The following ZCCHC14 variants were observed in gnomAD, a reference collection of about 807,000 sequenced individuals.
ZCCHC14 encodes zinc finger CCHC-type containing 14.
In ZCCHC14, 16 loss-of-function variants were observed where a neutral mutation model predicts 85.0. The observed-to-expected ratio is 0.19, with a 90% CI of 0.13 to 0.29. The LOEUF (loss-of-function observed/expected upper bound fraction) is 0.29. Among genes scored for constraint, ZCCHC14 ranks in the 10% least tolerant of loss-of-function variants. ZCCHC14 has a pLI of 1.00. For missense variants in ZCCHC14, 1,303 were observed against 1,443.5 expected (o/e 0.90, Z 1.58); for synonymous variants, 775 against 630.7 (o/e 1.23, Z -3.43).
chr16:87,412,976 C>T lies in ZCCHC14; in HGVS notation c.1745G>A (p.Arg582His), dbSNP rs779380669. The change falls in exon 12 of 13, where the codon CGT becomes CAT. Residue 582 changes from arginine to histidine, a missense_variant and splice_region_variant. Coordinates refer to ENST00000671377, the MANE Select transcript of ZCCHC14 (RefSeq NM_015144.3). Reference sequence around the variant, plus strand: ...AGAGCTCTCCAAGTGAATCTCCACACCTAGAGAGGGAAACAAGAGTGGTCA... The same window carrying T: ...AGAGCTCTCCAAGTGAATCTCCACATCTAGAGAGGGAAACAAGAGTGGTCA... ...SSDSAEENDR[R>H]VEIHLESSDK... 8 of 1,612,424 alleles carry T rather than the reference C, an allele frequency of 5.0e-6. No individual in the cohort carries two copies. In the South Asian group the frequency reaches 6.6e-5, roughly 13 times the overall value.
chr16:87,429,877 C>G (rs4608344), intron 3 of ZCCHC14, among the ~76,000 whole-genome samples: 42,479 of 152,124 alleles, frequency 0.28, 7,177 homozygotes, highest in African/African-American at 0.45. Context: ...AAAGTGCTGG[C>G]ATTACAGGCG....
chr16:87,461,280 G>T (rs866042607), intron 1 of ZCCHC14, among the ~76,000 whole-genome samples: 2 of 152,218 alleles, frequency 1.3e-5, no homozygotes, highest in African/African-American at 2.4e-5. Context: ...GCGAGAGGAG[G>T]GGGGTAGCAA....
intron 2 of ZCCHC14, among the ~76,000 whole-genome samples, chr16:87,444,414 A>G (rs1334983827): frequency 6.6e-6 from 1 of 152,252 alleles, no homozygotes. Context: ...TCACTGAATA[A>G]AACAGGAAAC....
intron 2 of ZCCHC14, among the ~76,000 whole-genome samples, chr16:87,451,072 G>C (rs959561382): frequency 1.3e-5 from 2 of 149,910 alleles, no homozygotes; most frequent in Non-Finnish European, 1.5e-5. Context: ...CTAATTTTTT[G>C]TATTTTTAGT....
chr16:87,422,499 C>T (rs576650207), intron 4 of ZCCHC14, among the ~76,000 whole-genome samples: 1 of 151,198 alleles, frequency 6.6e-6, no homozygotes, highest in East Asian at 1.9e-4. Context: ...CCGAGGAGGA[C>T]AGATCACCTG....
chr16:87,447,773 G>A (rs4559917), intron 2 of ZCCHC14, among the ~76,000 whole-genome samples: 1 of 152,024 alleles, frequency 6.6e-6, no homozygotes, highest in African/African-American at 2.4e-5. Context: ...CATAAGAAAT[G>A]CCAAATTGTT....
At chr16:87,482,832 G>A (rs1216456021) in intron 1 of ZCCHC14, among the ~76,000 whole-genome samples, 1 of 152,132 alleles carries the variant, frequency 6.6e-6, no homozygotes, top group African/African-American at 2.4e-5. Context: ...AATTCCAGAT[G>A]GATCCGTTTG....
intron 3 of ZCCHC14, among the ~76,000 whole-genome samples, chr16:87,432,651 G>A (rs1356279190): frequency 2.6e-5 from 4 of 152,162 alleles, no homozygotes; most frequent in African/African-American, 4.8e-5. Flanking sequence ...CCTGGTCACC[G>A]TGGGTCACCG....
chr16:87,477,769 G>A (rs1245799582), intron 1 of ZCCHC14, among the ~76,000 whole-genome samples: 1 of 151,526 alleles, frequency 6.6e-6, no homozygotes, highest in Non-Finnish European at 1.5e-5. Flanking sequence ...CGCCCCCACC[G>A]CATCCCCCTG....
At chr16:87,421,099 C>T (rs1909072557) in intron 4 of ZCCHC14, among the ~76,000 whole-genome samples, 1 of 152,252 alleles carries the variant, frequency 6.6e-6, no homozygotes, top group Non-Finnish European at 1.5e-5. Context: ...GATGGACACA[C>T]TGCCACAGGC....
intron 4 of ZCCHC14, among the ~76,000 whole-genome samples, chr16:87,422,208 A>T (rs1001418651): frequency 6.6e-6 from 1 of 152,190 alleles, no homozygotes; most frequent in South Asian, 2.1e-4. Flanking sequence ...AGAAATGAGG[A>T]CTTGAGTACA....
rs1912734312 is a variant in ZCCHC14, at chr16:87,491,053, T to G, written c.570+616A>C. On this transcript the variant is annotated intron_variant, in intron 1 of 12. Transcript: ENST00000671377. This position sits in a 1 kb window ranked among gnomAD's most constrained non-coding sequence, Gnocchi z 5.9. ...GGCTCCTTCCTTTTCTGGTAATAAATACCAGATTTGGGGAAACCAAGGCGC... is the reference window on the plus strand; with the variant it reads ...GGCTCCTTCCTTTTCTGGTAATAAAGACCAGATTTGGGGAAACCAAGGCGC... 6.6e-6 allele frequency among the ~76,000 whole-genome samples: 1 copy of G among 152,214 alleles called. No homozygotes were observed. The highest frequency in any genetic ancestry group is 2.4e-5 in the African/African-American group (1 of 41,456).
At chr16:87,452,453 T>C (rs556870447) in intron 2 of ZCCHC14, among the ~76,000 whole-genome samples, 1 of 151,056 alleles carries the variant, frequency 6.6e-6, no homozygotes, top group South Asian at 2.2e-4. Context: ...AGAGGGATAG[T>C]GGCTGCAGAA....
At chr16:87,475,149 G>A (rs1399203475) in intron 1 of ZCCHC14, among the ~76,000 whole-genome samples, 1 of 152,178 alleles carries the variant, frequency 6.6e-6, no homozygotes, top group African/African-American at 2.4e-5. Flanking sequence ...GCCAGCACAG[G>A]CAGGACTCAG....
At chr16:87,470,719 A>G (rs1408137794) in intron 1 of ZCCHC14, 3 of 152,248 alleles carry the variant, frequency 2.0e-5, no homozygotes, top group African/African-American at 7.2e-5. Flanking sequence ...GTATGTCCAG[A>G]TGACTGAATA....
At chr16:87,433,999 AC>A (rs1367319385) in intron 2 of ZCCHC14, among the ~76,000 whole-genome samples, 2 of 152,090 alleles carry the variant, frequency 1.3e-5, no homozygotes, top group African/African-American at 4.8e-5. Context: ...GGATGAGGAG[AC>A]CAGAACAACA....
Position 87,420,281 on chromosome 16 carries a change from G to A in ZCCHC14, c.950+326C>T, listed in dbSNP as rs181895999. Among the ~76,000 whole-genome samples, 219 of 152,330 alleles carry A rather than the reference G, an allele frequency of 1.4e-3. No individual in the cohort carries two copies. The highest frequency in any genetic ancestry group is 3.6e-3 in the Admixed American group (55 of 15,296). On this transcript the variant is annotated intron_variant, in intron 5 of 12. Transcript: ENST00000671377. This position sits in a 1 kb window ranked among gnomAD's most constrained non-coding sequence, Gnocchi z 5.0. ...GAGGGTCCAGAGAAACTGTTTAAGA[G>A]ACGCCAATTTTATCTGGGAATAGTC... is the stretch of plus-strand genomic sequence containing the variant.
intron 2 of ZCCHC14, among the ~76,000 whole-genome samples, chr16:87,452,983 G>A (rs1221090718): frequency 6.6e-6 from 1 of 152,226 alleles, no homozygotes; most frequent in Non-Finnish European, 1.5e-5. Flanking sequence ...AAGGAGAGAA[G>A]GCTGAATACA....
intron 2 of ZCCHC14, among the ~76,000 whole-genome samples, chr16:87,455,301 CA>C (rs1051572945): frequency 2.6e-4 from 39 of 149,294 alleles, no homozygotes; most frequent in African/African-American, 8.4e-4. Flanking sequence ...CCCGCCCCCG[CA>C]AAAAAAAATA....
Sources: allele counts gnomAD v4.1 joint callset (sites outside exome capture counted in the v4.1 genomes callset), GRCh38; gene constraint gnomAD v4.1.1; non-coding constraint Gnocchi (gnomAD v3.1); transcripts MANE v1.5; gene names NCBI Gene and HGNC (gene_info 2026-07-23, HGNC 2026-07-21).